Variants in SORL1 observed in about 807,000 individuals in gnomAD.
SORL1 encodes sortilin related receptor 1.
SORL1 carries 127 observed loss-of-function variants against 273.7 expected under a neutral mutation model. That is an observed-to-expected ratio of 0.46 (90% CI 0.40 to 0.54). The LOEUF is 0.54. Among genes scored for constraint, SORL1 ranks in the 20% least tolerant of loss-of-function variants. The pLI is 0.00. For missense variants in SORL1, 2,494 were observed against 2,846.1 expected (o/e 0.88, Z 2.81); for synonymous variants, 1,031 against 1,067.4 (o/e 0.97, Z 0.66).
intron 11 of SORL1, among the ~76,000 whole-genome samples, chr11:121,532,050 CAG>C (rs1221922468): frequency 1.3e-5 from 2 of 152,108 alleles, no homozygotes; most frequent in East Asian, 3.8e-4. Context: ...GTTTTTTGTC[CAG>C]AGTTTTCAGC....
Position 121,604,341 on chromosome 11 carries a change from G to C in SORL1, c.4651+17G>C. On this transcript the variant is annotated intron_variant, in intron 33 of 47. Transcript: ENST00000260197. ...CCTGCAGTGGTGAGTGCCGGTCCAC[G>C]GGCTGGGCTGGGCTGGGCTGGGCTG... The C allele has an allele frequency of 6.2e-7, 1 of 1,603,402 alleles. No individual in the cohort carries two copies. The highest frequency in any genetic ancestry group is 1.1e-5 in the South Asian group (1 of 90,520).
At chr11:121,589,458 G>A in intron 29 of SORL1, 68 bp downstream of exon 29, 1 of 1,585,242 alleles carries the variant, frequency 6.3e-7, no homozygotes, top group Non-Finnish European at 8.6e-7. Flanking sequence ...CAGTTACAGG[G>A]ACACTCACCG....
chr11:121,473,285 T>C (rs1861200995), intron 2 of SORL1, among the ~76,000 whole-genome samples: 1 of 151,986 alleles, frequency 6.6e-6, no homozygotes, highest in Admixed American at 6.5e-5. Flanking sequence ...GTCATGCATA[T>C]TCAGTATCTA....
chr11:121,480,581 A>G lies in SORL1; in HGVS notation c.528+2338A>G, dbSNP rs374492712. 4.0e-5 allele frequency among the ~76,000 whole-genome samples: 6 copies of G among 151,680 alleles called. 1 individual carries two copies. Among genetic ancestry groups the G allele is most frequent in the Admixed American group, 2.6e-4 (4 of 15,228 alleles). ...CTCCTGCTGTGGTGCACAGATACCT[A>G]TAGGCAGGCTCCATCTCCTCCTCCC... is the stretch of plus-strand genomic sequence containing the variant. On this transcript the variant is annotated intron_variant, in intron 3 of 47. Coordinates refer to ENST00000260197, the MANE Select transcript of SORL1 (RefSeq NM_003105.6).
intron 9 of SORL1, among the ~76,000 whole-genome samples, chr11:121,521,106 G>A (rs1862036504): frequency 6.6e-6 from 1 of 150,708 alleles, no homozygotes; most frequent in African/African-American, 2.4e-5. Context: ...AGTACTACTT[G>A]TTTAGTTAGA....
chr11:121,460,815 C>T (rs539914260), intron 1 of SORL1, among the ~76,000 whole-genome samples: 2 of 152,212 alleles, frequency 1.3e-5, no homozygotes, highest in Admixed American at 1.3e-4. Flanking sequence ...GGGACTGTGG[C>T]TGGGAAGACT....
chr11:121,514,789 T>C (rs1861927441), intron 8 of SORL1, among the ~76,000 whole-genome samples: 1 of 152,204 alleles, frequency 6.6e-6, no homozygotes, highest in Non-Finnish European at 1.5e-5. Flanking sequence ...ACCAACGTCA[T>C]TGATCCTTTG....
chr11:121,514,142 G>T lies in SORL1; in HGVS notation c.1042-10G>T, dbSNP rs1225542114. ...TTTTGACGTATCTTTTTTGACTTTT[G>T]ATTCCAAAGGAATATTACATCGCAG... is the stretch of plus-strand genomic sequence containing the variant. On this transcript the variant is annotated splice_polypyrimidine_tract_variant and intron_variant, in intron 7 of 47. Coordinates refer to ENST00000260197, the MANE Select transcript of SORL1 (RefSeq NM_003105.6). 2 of 1,606,340 alleles carry T rather than the reference G, an allele frequency of 1.2e-6. No individual in the cohort carries two copies. The highest frequency in any genetic ancestry group is 1.7e-5 in the Admixed American group (1 of 57,882).
At chr11:121,490,555 C>A (rs1288435916) in intron 5 of SORL1, among the ~76,000 whole-genome samples, 2 of 152,108 alleles carry the variant, frequency 1.3e-5, no homozygotes, top group African/African-American at 4.8e-5. Context: ...GCCTGGCCAA[C>A]ATGGTCAAAC....
intron 5 of SORL1, among the ~76,000 whole-genome samples, chr11:121,490,468 A>G (rs369489465): frequency 5.9e-5 from 9 of 152,236 alleles, no homozygotes; most frequent in African/African-American, 2.2e-4. Context: ...CGCTGGGTGC[A>G]GTGGCTCACG....
intron 11 of SORL1, among the ~76,000 whole-genome samples, chr11:121,531,678 T>G (rs1862204081): frequency 6.6e-6 from 1 of 152,236 alleles, no homozygotes; most frequent in African/African-American, 2.4e-5. Context: ...CAGTTCAGTA[T>G]GCTAAGCCTT....
chr11:121,497,073 A>G (rs774089453), intron 6 of SORL1, 24 bp downstream of exon 6: 4 of 1,598,494 alleles, frequency 2.5e-6, no homozygotes, highest in Non-Finnish European at 3.4e-6. Context: ...ACTAAAGAAT[A>G]AACTACTTTT....
At position 121,595,492 on chromosome 11, in the gene SORL1, A is replaced by G; in HGVS notation, c.4370-131A>G. 7 of 807,298 alleles carry G rather than the reference A, an allele frequency of 8.7e-6. No individual in the cohort carries two copies. The highest frequency in any genetic ancestry group is 1.2e-5 in the Non-Finnish European group (6 of 499,130). The allele number at this position is 807,298 out of a possible 1,614,324, so 50.0% of individuals were successfully genotyped here. ...TGTATCTACTCTGCTCTCTATCCGG[A>G]ACTCGCATTTGTCTTCAGGTTCCCA... is the stretch of plus-strand genomic sequence containing the variant. On this transcript the variant is annotated intron_variant, in intron 31 of 47. Coordinates refer to ENST00000260197, the MANE Select transcript of SORL1 (RefSeq NM_003105.6). The surrounding 1 kb of genome is among the most constrained non-coding windows in gnomAD (Gnocchi z 5.1).
At chr11:121,525,161 C>T (rs867059393) in intron 11 of SORL1, among the ~76,000 whole-genome samples, 2 of 152,270 alleles carry the variant, frequency 1.3e-5, no homozygotes, top group Middle Eastern at 3.4e-3. Flanking sequence ...TATTCATTGG[C>T]ATTTTCTAGA....
At chr11:121,605,689 T>C (rs1017212619) in intron 35 of SORL1, 118 bp downstream of exon 35, 3 of 792,334 alleles carry the variant, frequency 3.8e-6, no homozygotes, top group African/African-American at 1.7e-5. Flanking sequence ...TGTACAGAAG[T>C]ATGGTGGCTA....
chr11:121,471,768 A>G (rs1861172396), intron 2 of SORL1, among the ~76,000 whole-genome samples: 1 of 152,200 alleles, frequency 6.6e-6, no homozygotes, highest in Admixed American at 6.5e-5. Flanking sequence ...GGGCAGCCAC[A>G]GAAGGGAAGA....
chr11:121,549,850 AT>A, intron 14 of SORL1, 109 bp from the exon 15 acceptor site: 1 of 864,072 alleles, frequency 1.2e-6, no homozygotes. Flanking sequence ...GACATGTTAA[AT>A]AACTTATAAT....
chr11:121,487,143 G>C (rs1202953536), intron 3 of SORL1, among the ~76,000 whole-genome samples: 1 of 152,142 alleles, frequency 6.6e-6, no homozygotes, highest in Non-Finnish European at 1.5e-5. Flanking sequence ...ATAGGACTCT[G>C]GTCATGGCTT....
chr11:121,557,939 A>G (rs1451850476), intron 19 of SORL1, among the ~76,000 whole-genome samples: 1 of 152,220 alleles, frequency 6.6e-6, no homozygotes, highest in Non-Finnish European at 1.5e-5. Flanking sequence ...GAGAATTGGC[A>G]CAATTTTTTT....
Sources: gnomAD v4.1 joint callset for allele counts (sites outside exome capture counted in the v4.1 genomes callset) on GRCh38, gnomAD v4.1.1 for gene constraint, Gnocchi (gnomAD v3.1) non-coding constraint, MANE v1.5 for transcripts, NCBI Gene and HGNC (gene_info 2026-07-23, HGNC 2026-07-21) for gene names.